JAK3: variants seen among roughly 807,000 people sequenced by gnomAD.
JAK3 encodes the protein Janus kinase 3.
In JAK3, 88 loss-of-function variants were observed where a neutral mutation model predicts 120.8. The ratio of observed to expected loss-of-function variants is 0.73; its 90% confidence interval spans 0.61 to 0.87. JAK3 has a LOEUF of 0.87. JAK3 is among the 40% of genes least tolerant of loss of function. The pLI is 0.00. For synonymous variants in JAK3, 592 were observed against 628.6 expected (o/e 0.94, Z 0.87); for missense variants, 1,254 against 1,501.4 (o/e 0.84, Z 2.72).
chr19:17,829,924 G>A lies in JAK3; in HGVS notation c.3207+184C>T. The A allele has an allele frequency of 6.1e-6, 4 of 659,512 alleles. No homozygotes were observed. In the South Asian group the frequency reaches 6.3e-5, roughly 10 times the overall value. 40.9% of individuals were successfully genotyped at this position (659,512 alleles called of 1,614,324 possible). ...TTCTCATTTTGGAAAAGGGTAAACT[G>A]AGGCTCTGAAAGTGCTCTGACTTGC... On this transcript the variant is annotated intron_variant, in intron 23 of 23. Transcript: ENST00000458235.
At position 17,841,434 on chromosome 19, in the gene JAK3, G is replaced by A; in HGVS notation, c.1097C>T (p.Pro366Leu). ...QHFFCKEVAP[P>L]RLLEEVAEQC... ...CTCGGCCACTTCCTCCAGCAGCCTC[G>A]GCGGTGCCACCTCCTTGCAGAAGAA... The change falls in exon 8 of 24, where the codon CCG becomes CTG. Residue 366 changes from proline to leucine, a missense_variant. Pro to Leu is a moderately conservative substitution (Grantham distance 98). Around this residue, in one of 3 missense-constraint regions of JAK3, gnomAD observed 486 missense variants for 503.0 expected, o/e 0.97. Transcript: ENST00000458235. This position sits in a 1 kb window ranked among gnomAD's most constrained non-coding sequence, Gnocchi z 4.1. 1.9e-6 allele frequency: 3 copies of A among 1,554,154 alleles called. No homozygotes were observed. The highest frequency in any genetic ancestry group is 3.3e-4 in the Middle Eastern group (2 of 5,994).
intron 17 of JAK3, among the ~76,000 whole-genome samples, chr19:17,833,542 GA>G (rs58330868): frequency 0.26 from 19,683 of 74,590 alleles, 1,355 homozygotes; most frequent in South Asian, 0.32. Flanking sequence ...CCCCATCACA[GA>G]AAAAAAAAAA....
At position 17,830,108 on chromosome 19, in the gene JAK3, C is replaced by G; in HGVS notation, c.3207G>C (p.Glu1069Asp). 6.4e-7 allele frequency: 1 copy of G among 1,573,918 alleles called. No homozygotes were observed. The highest frequency in any genetic ancestry group is 1.2e-5 in the South Asian group (1 of 85,784). ...CTGAGGCTAGCCCTGCGGCGCTCAC[C>G]TCAGCAGGGCAGGCAGGAGGCGCCG... ...RLPAPPACPA[E>D]VHELMKLCWA... Residue 1069 changes from glutamate to aspartate, a missense_variant and splice_region_variant, in exon 23 of 24, where the codon GAG becomes GAC. Glu to Asp is a conservative substitution (Grantham distance 45, BLOSUM62 2). Coordinates refer to ENST00000458235, the MANE Select transcript of JAK3 (RefSeq NM_000215.4).
At position 17,838,691 on chromosome 19, in the gene JAK3, G is replaced by A. The variant is rs373207666; in HGVS notation, c.1442-301C>T. On this transcript the variant is annotated intron_variant, in intron 10 of 23. Transcript: ENST00000458235. ...CTCCCGAATAGCTGGGACTACAGGT[G>A]TGTGCCACCGTGCCCGGCTAATTTT... 2.7e-5 allele frequency among the ~76,000 whole-genome samples: 4 copies of A among 150,932 alleles called. No individual in the cohort carries two copies. The South Asian group carries it at 8.4e-4, about 32-fold the overall frequency.
Position 17,830,467 on chromosome 19 carries a change from G to A in JAK3, c.3096+36C>T, listed in dbSNP as rs1281180328. 4 of 1,537,152 alleles carry A rather than the reference G, an allele frequency of 2.6e-6. 1 individual carries two copies. Among genetic ancestry groups the A allele is most frequent in the East Asian group, 2.3e-5 (1 of 44,018 alleles). On this transcript the variant is annotated intron_variant, in intron 22 of 23. Transcript: ENST00000458235. ...AGATTGGCCACGAGGGGCGTGGAGG[G>A]AGAAGAAGGCTGGGGGCTCTGGGAA...
chr19:17,847,901 T>C, intron 1 of JAK3, 45 bp downstream of exon 1: 2 of 598,946 alleles, frequency 3.3e-6, no homozygotes, highest in Non-Finnish European at 4.3e-6. Context: ...ACCACCATCC[T>C]CCCCCAGTGT....
chr19:17,835,021 G>A lies in JAK3; in HGVS notation c.2048-18C>T, dbSNP rs1430725916. The A allele has an allele frequency of 3.7e-6, 6 of 1,614,002 alleles. No homozygotes were observed. In the East Asian group the frequency reaches 8.9e-5, roughly 24 times the overall value. ...GGTGAGCACTGAGGGAATGAAAGTGGGATCAGGGATCCACTTCCTTGCCCT... is the reference window on the plus strand; with the variant it reads ...GGTGAGCACTGAGGGAATGAAAGTGAGATCAGGGATCCACTTCCTTGCCCT... On this transcript the variant is annotated intron_variant, in intron 15 of 23. Transcript: ENST00000458235.
At position 17,841,898 on chromosome 19, in the gene JAK3, A is replaced by C; in HGVS notation, c.862-136T>G. Reference sequence around the variant, plus strand: ...ACCCTTCCAAGCCGCGCCCCCTCCTATCAACTCCAACCTCTCAACACCTCC... The same window carrying C: ...ACCCTTCCAAGCCGCGCCCCCTCCTCTCAACTCCAACCTCTCAACACCTCC... On this transcript the variant is annotated intron_variant, in intron 6 of 23. Transcript: ENST00000458235. This position sits in a 1 kb window ranked among gnomAD's most constrained non-coding sequence, Gnocchi z 4.1. 1 of 1,196,570 alleles carries C rather than the reference A, an allele frequency of 8.4e-7. No individual in the cohort carries two copies. Among genetic ancestry groups the C allele is most frequent in the Non-Finnish European group, 1.2e-6 (1 of 851,098 alleles). The allele number at this position is 1,196,570 out of a possible 1,614,324, so 74.1% of individuals were successfully genotyped here. A position where few individuals can be genotyped will look rare whatever the true frequency, so the allele number is the denominator to read the frequency against.
rs758728236 is a variant in JAK3 at position 17,835,911 on chromosome 19, G to A, written c.1914+13C>T. On this transcript the variant is annotated intron_variant, in intron 14 of 23. Transcript: ENST00000458235. ...CTGGGAATGGAGGGTGGAGCAGGCAGAGGAGCACTCACCAGATAGTTGAGG... is the reference window on the plus strand; with the variant it reads ...CTGGGAATGGAGGGTGGAGCAGGCAAAGGAGCACTCACCAGATAGTTGAGG... 1.2e-6 allele frequency: 2 copies of A among 1,613,546 alleles called. No homozygotes were observed. Among genetic ancestry groups the A allele is most frequent in the East Asian group, 4.5e-5 (2 of 44,882 alleles).
Position 17,842,370 on chromosome 19 carries a change from C to G in JAK3, c.807G>C (p.Gly269=). The part of the protein sequence containing the change: ...PGALGGHDGL[G]LLRVAGDGGI... ...CGCCGTCACCAGCCACGCGGAGCAG[C>G]CCCAGCCCGTCGTGGCCACCAAGGG... The change falls in exon 6 of 24, where the codon GGG becomes GGC. Residue 269 remains glycine (G), a synonymous_variant. Coordinates refer to ENST00000458235, the MANE Select transcript of JAK3 (RefSeq NM_000215.4). The surrounding 1 kb of genome is among the most constrained non-coding windows in gnomAD (Gnocchi z 6.4). 1 of 1,589,376 alleles carries G rather than the reference C, an allele frequency of 6.3e-7. No homozygotes were observed.
chr19:17,841,316 G>T lies in JAK3; in HGVS notation c.1142+73C>A. Reference sequence around the variant, plus strand: ...CCTGTCCAGGGCTCCTGGAAGGTGAGGACACTGAGGCATAGAGAAGGGGAG... The same window carrying T: ...CCTGTCCAGGGCTCCTGGAAGGTGATGACACTGAGGCATAGAGAAGGGGAG... On this transcript the variant is annotated intron_variant, in intron 8 of 23. Coordinates refer to ENST00000458235, the MANE Select transcript of JAK3 (RefSeq NM_000215.4). The surrounding 1 kb of genome is among the most constrained non-coding windows in gnomAD (Gnocchi z 4.1). The T allele has an allele frequency of 6.8e-7, 1 of 1,468,976 alleles. No homozygotes were observed. The highest frequency in any genetic ancestry group is 9.2e-7 in the Non-Finnish European group (1 of 1,089,776). The allele number at this position is 1,468,976 out of a possible 1,614,324, so 91.0% of individuals were successfully genotyped here. A position where few individuals can be genotyped will look rare whatever the true frequency, so the allele number is the denominator to read the frequency against.
In JAK3 at chr19:17,834,595, C is replaced by CACGAATG; in HGVS notation, c.2319_2325dup (p.Asp776HisfsTer3). 2 of 1,589,208 alleles carry CACGAATG rather than the reference C, an allele frequency of 1.3e-6. No individual in the cohort carries two copies. On this transcript the variant is annotated frameshift_variant, in exon 17 of 24. Transcript: ENST00000458235. LOFTEE classifies it high-confidence loss of function. ...CCTGAAGAGATGAGGCTATTGAGGT[C>CACGAATG]ACGAATGACGGCTCGGAAGGAGGGC...
In JAK3 at chr19:17,835,101, C is replaced by G. The variant is rs201000040; in HGVS notation, c.2029G>C (p.Ala677Pro). Residue 677 changes from alanine to proline, a missense_variant, in exon 15 of 24, where the codon GCT becomes CCT. Coordinates refer to ENST00000458235, the MANE Select transcript of JAK3 (RefSeq NM_000215.4). ...IKLSDPGVSP[A>P]VLSLEMLTDR... is the part of the protein sequence containing the mutation. The stretch of plus-strand genomic sequence containing the variant: ...AACTTACTCTCCAGGCTTAACACAG[C>G]GGGGCTGACCCCAGGGTCACTCAGC... 7 of 1,614,192 alleles carry G rather than the reference C, an allele frequency of 4.3e-6. No homozygotes were observed. Among genetic ancestry groups the G allele is most frequent in the African/African-American group, 1.3e-5 (1 of 75,062 alleles).
At position 17,842,967 on chromosome 19, in the gene JAK3, A is replaced by G. The variant is rs1038420866; in HGVS notation, c.566+60T>C. On this transcript the variant is annotated intron_variant, in intron 5 of 23. Transcript: ENST00000458235. The surrounding 1 kb of genome is among the most constrained non-coding windows in gnomAD (Gnocchi z 6.4). ...ATGGTGGGAGCCCGGCAAAGCCCCG[A>G]TGGAGCCCACGTTGCTCACTCCCAA... 1 of 1,599,376 alleles carries G rather than the reference A, an allele frequency of 6.3e-7. No homozygotes were observed. The highest frequency in any genetic ancestry group is 8.5e-7 in the Non-Finnish European group (1 of 1,175,968).
At chr19:17,838,744 C>G (rs996732632) in intron 10 of JAK3, among the ~76,000 whole-genome samples, 1 of 129,768 alleles carries the variant, frequency 7.7e-6, no homozygotes, top group Admixed American at 8.6e-5. Context: ...GAGACAGAGT[C>G]TCGCTCTGTC....
chr19:17,842,294 C>G lies in JAK3; in HGVS notation c.861+22G>C. ...GCCCCGCCCCCACGTTGGCCCCGCCCAGCGGGGGAGTCCGCCCTCACCTCC... is the reference window on the plus strand; with the variant it reads ...GCCCCGCCCCCACGTTGGCCCCGCCGAGCGGGGGAGTCCGCCCTCACCTCC... On this transcript the variant is annotated intron_variant, in intron 6 of 23. Coordinates refer to ENST00000458235, the MANE Select transcript of JAK3 (RefSeq NM_000215.4). This position sits in a 1 kb window ranked among gnomAD's most constrained non-coding sequence, Gnocchi z 6.4. 6.5e-7 allele frequency: 1 copy of G among 1,544,124 alleles called. No individual in the cohort carries two copies. Among genetic ancestry groups the G allele is most frequent in the Non-Finnish European group, 8.7e-7 (1 of 1,151,746 alleles).
At chr19:17,830,429 G>T in intron 22 of JAK3, 74 bp downstream of exon 22, 2 of 1,217,316 alleles carry the variant, frequency 1.6e-6, no homozygotes, top group Non-Finnish European at 2.4e-6. Flanking sequence ...GGACGCAGGC[G>T]CAGACAGGTT....
chr19:17,831,420 G>A lies in JAK3; in HGVS notation c.2806-20C>T. On this transcript the variant is annotated intron_variant, in intron 20 of 23. Coordinates refer to ENST00000458235, the MANE Select transcript of JAK3 (RefSeq NM_000215.4). The surrounding 1 kb of genome is among the most constrained non-coding windows in gnomAD (Gnocchi z 5.1). ...CATGCCCTGCGGGCGGGCGGTGTGAGCGTGCAGAGAGGATCCCAGGATAAT... is the reference window on the plus strand; with the variant it reads ...CATGCCCTGCGGGCGGGCGGTGTGAACGTGCAGAGAGGATCCCAGGATAAT... 6.2e-7 allele frequency: 1 copy of A among 1,600,602 alleles called. No individual in the cohort carries two copies. Among genetic ancestry groups the A allele is most frequent in the Non-Finnish European group, 8.5e-7 (1 of 1,179,640 alleles).
chr19:17,830,055 A>G (rs748386062), intron 23 of JAK3, 53 bp downstream of exon 23: 46 of 1,356,402 alleles, frequency 3.4e-5, no homozygotes, highest in Non-Finnish European at 4.2e-5. Flanking sequence ...CTTGCCCGAG[A>G]CCCCGGCCCA....
Sources: gnomAD v4.1 joint callset for allele counts (sites outside exome capture counted in the v4.1 genomes callset) on GRCh38, gnomAD v4.1.1 for gene constraint, gnomAD v4.1.1 regional missense constraint, Gnocchi (gnomAD v3.1) non-coding constraint, MANE v1.5 for transcripts, NCBI Gene and HGNC (gene_info 2026-07-23, HGNC 2026-07-21) for gene names.